Variants in STX11 observed in about 807,000 individuals in gnomAD.
STX11 encodes the protein syntaxin-11.
Under a neutral mutation model 19.9 loss-of-function variants are expected in STX11, and 21 were observed. The ratio of observed to expected loss-of-function variants is 1.06; its 90% CI spans 0.75 to 1.52. The LOEUF is 1.52. Among genes scored for constraint, STX11 ranks in the 40% most tolerant of loss-of-function variants. The pLI, the probability that STX11 is intolerant of heterozygous loss-of-function variation, is 0.00. For synonymous variants in STX11, 193 were observed against 174.4 expected (o/e 1.11, Z -0.84); for missense variants, 438 against 405.9 (o/e 1.08, Z -0.68).
rs1054744857 is a variant in STX11 at position 144,152,908 on chromosome 6, G to T, written c.-6+2205G>T. Among the ~76,000 whole-genome samples the T allele has an allele frequency of 2.0e-5, 3 of 152,216 alleles. No homozygotes were observed. Among genetic ancestry groups the T allele is most frequent in the African/African-American group, 4.8e-5 (2 of 41,460 alleles). On this transcript the variant is annotated intron_variant, in intron 1 of 1. Transcript: ENST00000367568. This position sits in a 1 kb window ranked among gnomAD's most constrained non-coding sequence, Gnocchi z 4.9. ...CTTGGCCTCCCAAAGTGCTGGGATTGCAGATGTGAGCCACCATGCCCTGCC... is the reference window on the plus strand; with the variant it reads ...CTTGGCCTCCCAAAGTGCTGGGATTTCAGATGTGAGCCACCATGCCCTGCC...
At position 144,187,322 on chromosome 6, in the gene STX11, CG is replaced by C. The variant is rs1013453454; in HGVS notation, c.697del (p.Val233CysfsTer10). On this transcript the variant is annotated frameshift_variant, in exon 2 of 2. Transcript: ENST00000367568. LOFTEE classifies it high-confidence loss of function. The surrounding 1 kb of genome is among the most constrained non-coding windows in gnomAD (Gnocchi z 5.6). ...GTACACGAGCTCTTCTTGCAGATGG[CG>C]GTGCTGGTGGAGAAGCAGGCCGACA... is the stretch of plus-strand genomic sequence containing the variant. The part of the protein sequence containing the change: ...RDVHELFLQM[A>X]VLVEKQADTL... 2.5e-6 allele frequency: 4 copies of C among 1,611,094 alleles called. No homozygotes were observed. Among genetic ancestry groups the C allele is most frequent in the Non-Finnish European group, 3.4e-6 (4 of 1,179,966 alleles).
At chr6:144,179,090 T>C (rs1279228478) in intron 1 of STX11, among the ~76,000 whole-genome samples, 1 of 151,976 alleles carries the variant, frequency 6.6e-6, no homozygotes, top group Non-Finnish European at 1.5e-5. Context: ...TGAGGCATGG[T>C]GAATGCAAGG....
At chr6:144,143,649 A>G in the STX11 span, among the ~76,000 whole-genome samples, 3 of 152,150 alleles carry the variant, frequency 2.0e-5, no homozygotes, top group African/African-American at 7.2e-5. Flanking sequence ...TCCTATTTGC[A>G]GGAAAGCTAT....
At position 144,159,023 on chromosome 6, in the gene STX11, T is replaced by C. The variant is rs991704911; in HGVS notation, c.-6+8320T>C. ...AGACTGACTTCTCAAAGTATTCCCA[T>C]AGATCCCTCTATTATGGCATTTATT... On this transcript the variant is annotated intron_variant, in intron 1 of 1. Transcript: ENST00000367568. The surrounding 1 kb of genome is among the most constrained non-coding windows in gnomAD (Gnocchi z 4.3). Among the ~76,000 whole-genome samples the C allele has an allele frequency of 1.3e-5, 2 of 152,210 alleles. No individual in the cohort carries two copies. Among genetic ancestry groups the C allele is most frequent in the East Asian group, 1.9e-4 (1 of 5,206 alleles).
At chr6:144,140,214 AT>A in the STX11 span, among the ~76,000 whole-genome samples, 177 of 85,130 alleles carry the variant, frequency 2.1e-3, 4 homozygotes, top group East Asian at 0.018. Context: ...ATTCACATAT[AT>A]ATATATATAT....
rs1192635085 is a variant in STX11 at position 144,159,642 on chromosome 6, C to T, written c.-6+8939C>T. 5.3e-5 allele frequency among the ~76,000 whole-genome samples: 8 copies of T among 152,054 alleles called. No homozygotes were observed. The highest frequency in any genetic ancestry group is 5.2e-4 in the Admixed American group (8 of 15,252). ...GAGGGAAGTTTCTGTGTGTCTCATT[C>T]AATGCACCATTACTAGAAGTTACTT... is the stretch of plus-strand genomic sequence containing the variant. On this transcript the variant is annotated intron_variant, in intron 1 of 1. Transcript: ENST00000367568. The surrounding 1 kb of genome is among the most constrained non-coding windows in gnomAD (Gnocchi z 4.3).
chr6:144,187,624 GC>G lies in STX11; in HGVS notation c.*135del. 2 of 1,249,164 alleles carry G rather than the reference GC, an allele frequency of 1.6e-6. No homozygotes were observed. The highest frequency in any genetic ancestry group is 2.2e-6 in the Non-Finnish European group (2 of 891,338). The allele number at this position is 1,249,164 out of a possible 1,614,324, so 77.4% of individuals were successfully genotyped here. A position where few individuals can be genotyped will look rare whatever the true frequency, so the allele number is the denominator to read the frequency against. ...GGAACTCAGTCTTTAGAAAAGAAAC[GC>G]CAGGTTCAAGAATTGCAAACCAGCC... On this transcript the variant is annotated 3_prime_UTR_variant, in exon 2 of 2. Transcript: ENST00000367568. The surrounding 1 kb of genome is among the most constrained non-coding windows in gnomAD (Gnocchi z 5.6).
rs1802066250 is a variant in STX11 at position 144,187,062 on chromosome 6, C to T, written c.435C>T (p.Asp145=). The change falls in exon 2 of 2, where the codon GAC becomes GAT. Residue 145 remains aspartate (D), a synonymous_variant. Coordinates refer to ENST00000367568, the MANE Select transcript of STX11 (RefSeq NM_003764.4). This position sits in a 1 kb window ranked among gnomAD's most constrained non-coding sequence, Gnocchi z 5.6. The part of the protein sequence containing the change: ...LTLTFQRAMH[D]YNQAEMKQRD... Reference sequence around the variant, plus strand: ...TCACCTTCCAGCGCGCCATGCACGACTACAACCAGGCCGAGATGAAGCAGC... The same window carrying T: ...TCACCTTCCAGCGCGCCATGCACGATTACAACCAGGCCGAGATGAAGCAGC... 2 of 1,613,436 alleles carry T rather than the reference C, an allele frequency of 1.2e-6. No individual in the cohort carries two copies. The highest frequency in any genetic ancestry group is 1.7e-6 in the Non-Finnish European group (2 of 1,179,994).
intron 1 of STX11, among the ~76,000 whole-genome samples, chr6:144,164,758 A>G (rs981069004): frequency 2.6e-5 from 4 of 152,198 alleles, no homozygotes; most frequent in African/African-American, 7.2e-5. Flanking sequence ...CAGTGGCACA[A>G]TCTCGGCTCA....
rs1159871504 is a variant in STX11 at position 144,177,976 on chromosome 6, G to A, written c.-5-8647G>A. Among the ~76,000 whole-genome samples, 2 of 152,164 alleles carry A rather than the reference G, an allele frequency of 1.3e-5. No homozygotes were observed. ...CTCTGATATGAAGAAATTTGTGTGG[G>A]AAAGAAAGTAGTGATTCTAATGGTG... On this transcript the variant is annotated intron_variant, in intron 1 of 1. Transcript: ENST00000367568. The surrounding 1 kb of genome is among the most constrained non-coding windows in gnomAD (Gnocchi z 4.4).
chr6:144,163,672 A>T (rs1342182715), intron 1 of STX11, among the ~76,000 whole-genome samples: 1 of 151,992 alleles, frequency 6.6e-6, no homozygotes, highest in East Asian at 1.9e-4. Context: ...CTTAGTAGAG[A>T]CAGGGTTTCT....
the STX11 span, among the ~76,000 whole-genome samples, chr6:144,145,414 C>T: frequency 6.6e-6 from 1 of 152,070 alleles, no homozygotes; most frequent in Middle Eastern, 3.2e-3. Context: ...GGTATATATC[C>T]AAAGGAAATG....
At position 144,188,343 on chromosome 6, in the gene STX11, A is replaced by T. The variant is rs899586750; in HGVS notation, c.*852A>T. ...TTGGTTTAACTTCTTTTATGTAAGT[A>T]TGGTATATAAATTTCAAGACGAACA... On this transcript the variant is annotated 3_prime_UTR_variant, in exon 2 of 2. Transcript: ENST00000367568. The T allele has an allele frequency of 2.2e-5, 5 of 228,684 alleles. No individual in the cohort carries two copies. The highest frequency in any genetic ancestry group is 1.1e-4 in the African/African-American group (5 of 44,246). The allele number at this position is 228,684 out of a possible 1,614,324, so 14.2% of individuals were successfully genotyped here.
In STX11 at chr6:144,183,902, G is replaced by T. The variant is rs764296604; in HGVS notation, c.-5-2721G>T. On this transcript the variant is annotated intron_variant, in intron 1 of 1. Transcript: ENST00000367568. This position sits in a 1 kb window ranked among gnomAD's most constrained non-coding sequence, Gnocchi z 4.6. ...CCCCTCCCCCGCACTTCCCCGACAGGCCCCACTGTGCATTATTCCCCTCCC... is the reference window on the plus strand; with the variant it reads ...CCCCTCCCCCGCACTTCCCCGACAGTCCCCACTGTGCATTATTCCCCTCCC... Among the ~76,000 whole-genome samples the T allele has an allele frequency of 5.3e-5, 8 of 152,022 alleles. No homozygotes were observed. Among genetic ancestry groups the T allele is most frequent in the African/African-American group, 9.7e-5 (4 of 41,400 alleles).
Position 144,153,153 on chromosome 6 carries a change from C to T in STX11, c.-6+2450C>T, listed in dbSNP as rs1801049417. On this transcript the variant is annotated intron_variant, in intron 1 of 1. Transcript: ENST00000367568. This position sits in a 1 kb window ranked among gnomAD's most constrained non-coding sequence, Gnocchi z 5.0. ...AGTTTCCCCAGTTTGCTAAGATATC[C>T]AACTGGTAAAGGCAACAATGCTAAA... Among the ~76,000 whole-genome samples, 1 of 152,072 alleles carries T rather than the reference C, an allele frequency of 6.6e-6. No homozygotes were observed. Among genetic ancestry groups the T allele is most frequent in the Non-Finnish European group, 1.5e-5 (1 of 68,014 alleles).
intron 1 of STX11, among the ~76,000 whole-genome samples, chr6:144,157,878 G>A (rs940030921): frequency 7.3e-5 from 11 of 151,366 alleles, no homozygotes; most frequent in Non-Finnish European, 1.5e-4. Context: ...TCTCTCTCTC[G>A]CTCTCTCTTT....
chr6:144,156,004 TTCTTTCTTTCTC>T (rs1236389838), intron 1 of STX11, among the ~76,000 whole-genome samples: 15 of 101,648 alleles, frequency 1.5e-4, no homozygotes, highest in South Asian at 2.9e-4. Flanking sequence ...CTTTCTTTCT[TTCTTTCTTTCTC>T]TCTTTCTCTC....
Position 144,186,969 on chromosome 6 carries a change from T to A in STX11, c.342T>A (p.Ala114=), listed in dbSNP as rs1802059137. 1.2e-6 allele frequency: 2 copies of A among 1,609,194 alleles called. No homozygotes were observed. The highest frequency in any genetic ancestry group is 8.5e-7 in the Non-Finnish European group (1 of 1,179,684). The change falls in exon 2 of 2, where the codon GCT becomes GCA. Residue 114 remains alanine, a synonymous_variant. Coordinates refer to ENST00000367568, the MANE Select transcript of STX11 (RefSeq NM_003764.4). ...LRAMKELSEA[A]EAQHGPHSAV... ...CCATGAAGGAGCTGAGCGAGGCGGC[T>A]GAGGCCCAGCACGGCCCGCACTCGG... is the stretch of plus-strand genomic sequence containing the variant.
At position 144,187,059 on chromosome 6, in the gene STX11, C is replaced by T. The variant is rs149492643; in HGVS notation, c.432C>T (p.His144=). 6 of 1,613,214 alleles carry T rather than the reference C, an allele frequency of 3.7e-6. No homozygotes were observed. Among genetic ancestry groups the T allele is most frequent in the Middle Eastern group, 1.6e-4 (1 of 6,084 alleles). ...CCCTCACCTTCCAGCGCGCCATGCA[C>T]GACTACAACCAGGCCGAGATGAAGC... ...ALTLTFQRAM[H]DYNQAEMKQR... The change falls in exon 2 of 2, where the codon CAC becomes CAT. Residue 144 remains histidine (H), a synonymous_variant. Coordinates refer to ENST00000367568, the MANE Select transcript of STX11 (RefSeq NM_003764.4). The surrounding 1 kb of genome is among the most constrained non-coding windows in gnomAD (Gnocchi z 5.6).
Sources: allele counts gnomAD v4.1 joint callset (sites outside exome capture counted in the v4.1 genomes callset), GRCh38; gene constraint gnomAD v4.1.1; non-coding constraint Gnocchi (gnomAD v3.1); transcripts MANE v1.5; gene names NCBI Gene and HGNC (gene_info 2026-07-23, HGNC 2026-07-21).